FKBP1B: variants seen among roughly 807,000 people sequenced by gnomAD.
FKBP1B encodes the protein FKBP prolyl isomerase 1B.
FKBP1B carries 4 observed loss-of-function variants against 13.5 expected under a neutral mutation model. The observed-to-expected ratio is 0.30, with a 90% CI of 0.15 to 0.68. The LOEUF is 0.68. FKBP1B is among the 30% of genes least tolerant of loss of function. The pLI, the probability that FKBP1B is intolerant of heterozygous loss-of-function variation, is 0.76. For synonymous variants in FKBP1B, 54 were observed against 53.6 expected (o/e 1.01, Z -0.03); for missense variants, 93 against 136.2 (o/e 0.68, Z 1.58).
At chr2:24,035,935 GGCAC>G in the FKBP1B span, among the ~76,000 whole-genome samples, 8 of 151,796 alleles carry the variant, frequency 5.3e-5, no homozygotes, top group Admixed American at 3.3e-4. Flanking sequence ...CAGGTGTGGT[GGCAC>G]GTGCCTGTAA....
the FKBP1B span, among the ~76,000 whole-genome samples, chr2:24,037,152 A>G: frequency 1.3e-5 from 2 of 152,166 alleles, no homozygotes; most frequent in Non-Finnish European, 2.9e-5. Context: ...TTTCCCAAGT[A>G]GCTGGGATTA....
chr2:24,038,530 A>C, the FKBP1B span: 2 of 1,614,152 alleles, frequency 1.2e-6, no homozygotes, highest in Non-Finnish European at 1.7e-6. Flanking sequence ...CTTAAAGGTC[A>C]CAAGGACCAA....
At chr2:24,038,757 C>T in the FKBP1B span, 1 of 1,614,136 alleles carries the variant, frequency 6.2e-7, no homozygotes. Flanking sequence ...CATACGGAGT[C>T]ATGTCTTTAC....
chr2:24,045,746 G>A (rs971630155), upstream of FKBP1B: 3 of 152,124 alleles, frequency 2.0e-5, no homozygotes, highest in African/African-American at 7.3e-5. Context: ...GCTGAGGTGG[G>A]AGGATCACTT....
intron 3 of FKBP1B, 95 bp downstream of exon 3, chr2:24,061,021 C>A: frequency 1.1e-6 from 1 of 911,708 alleles, no homozygotes; most frequent in Non-Finnish European, 1.7e-6. Flanking sequence ...ACTCACAGAC[C>A]ACTACTGCTT....
Position 24,049,853 on chromosome 2 carries a change from G to A in FKBP1B, c.4G>A (p.Gly2Ser). 2.1e-6 allele frequency: 3 copies of A among 1,431,528 alleles called. No homozygotes were observed. Among genetic ancestry groups the A allele is most frequent in the Non-Finnish European group, 1.8e-6 (2 of 1,091,160 alleles). 88.7% of individuals were successfully genotyped at this position (1,431,528 alleles called of 1,614,324 possible). A position where few individuals can be genotyped will look rare whatever the true frequency, so the allele number is the denominator to read the frequency against. Residue 2 changes from glycine (G) to serine (S), a missense_variant, in exon 1 of 4, where the codon GGC becomes AGC. Transcript: ENST00000380986. ...AGGCGGGGCCTGTGGGACCGCTATG[G>A]GCGTGGAGATCGAGACCATCTCCCC... Reference protein sequence around the residue: MGVEIETISPGD... With the variant: MSVEIETISPGD...
At chr2:24,037,951 G>A in the FKBP1B span, 3 of 1,614,168 alleles carry the variant, frequency 1.9e-6, no homozygotes, top group South Asian at 3.3e-5. Context: ...AACAGGCTCA[G>A]CATCTAGAGC....
chr2:24,061,609 A>G (rs564795879), intron 3 of FKBP1B, among the ~76,000 whole-genome samples: 18 of 152,324 alleles, frequency 1.2e-4, no homozygotes, highest in African/African-American at 4.1e-4. Flanking sequence ...GAAATAGTAC[A>G]GAGTTCTTCT....
intron 2 of FKBP1B, chr2:24,054,161 C>A: frequency 1.4e-6 from 1 of 708,654 alleles, no homozygotes. Context: ...CCTCTTCTAC[C>A]AGCAAGGGCC....
intron 1 of FKBP1B, among the ~76,000 whole-genome samples, chr2:24,051,660 ATGT>A (rs1379867501): frequency 2.0e-5 from 3 of 152,146 alleles, no homozygotes; most frequent in Non-Finnish European, 2.9e-5. Context: ...AACATGTTAC[ATGT>A]TGTTCCCTCT....
chr2:24,041,049 C>T, the FKBP1B span, among the ~76,000 whole-genome samples: 1 of 151,306 alleles, frequency 6.6e-6, no homozygotes, highest in Admixed American at 6.6e-5. Context: ...AAAACAAGTA[C>T]ATGCTTAGGC....
In FKBP1B at chr2:24,049,840, T is replaced by C. The variant is rs776015111; in HGVS notation, c.-10T>C. The C allele has an allele frequency of 1.1e-4, 150 of 1,405,502 alleles. No individual in the cohort carries two copies. The Admixed American group carries it at 2.6e-3, about 25-fold the overall frequency. The allele number at this position is 1,405,502 out of a possible 1,614,324, so 87.1% of individuals were successfully genotyped here. A position where few individuals can be genotyped will look rare whatever the true frequency, so the allele number is the denominator to read the frequency against. ...AGGGACCCCCCAGAGGCGGGGCCTG[T>C]GGGACCGCTATGGGCGTGGAGATCG... On this transcript the variant is annotated 5_prime_UTR_variant, in exon 1 of 4. Transcript: ENST00000380986.
chr2:24,038,989 A>T, the FKBP1B span: 18 of 1,614,208 alleles, frequency 1.1e-5, no homozygotes, highest in Admixed American at 3.0e-4. Context: ...CACCAGCCTC[A>T]GGCCATCCTG....
At chr2:24,053,287 ATTTTTTT>A (rs34185660) in intron 1 of FKBP1B, among the ~76,000 whole-genome samples, 1 of 110,106 alleles carries the variant, frequency 9.1e-6, no homozygotes. Flanking sequence ...AATTGAAAAG[ATTTTTTT>A]TTTTTTTTTT....
chr2:24,039,577 T>C, the FKBP1B span: 5 of 1,462,022 alleles, frequency 3.4e-6, no homozygotes, highest in Non-Finnish European at 4.7e-6. Context: ...TGTAGGACAT[T>C]TGGTAAGACA....
At chr2:24,061,234 TG>T (rs1440965752) in intron 3 of FKBP1B, among the ~76,000 whole-genome samples, 1 of 152,104 alleles carries the variant, frequency 6.6e-6, no homozygotes, top group Non-Finnish European at 1.5e-5. Context: ...GGAGGCCGAA[TG>T]GGGTGGATCA....
chr2:24,054,238 T>G (rs1664018292), intron 2 of FKBP1B: 1 of 600,224 alleles, frequency 1.7e-6, no homozygotes, highest in South Asian at 1.9e-5. Flanking sequence ...GCAGGTATGG[T>G]GGAGCCCCTG....
At chr2:24,049,659 C>T (rs1454233490), upstream of FKBP1B, 21 of 394,096 alleles carry the variant, frequency 5.3e-5, no homozygotes, top group Admixed American at 2.3e-4. Flanking sequence ...CCCACCTTTC[C>T]GCGCGGCTCC....
intron 1 of FKBP1B, among the ~76,000 whole-genome samples, chr2:24,051,788 C>T (rs2150961049): frequency 6.6e-6 from 1 of 152,308 alleles, no homozygotes; most frequent in African/African-American, 2.4e-5. Flanking sequence ...CAGTTAGCTG[C>T]TCCCTCCTCC....
Sources: gnomAD v4.1 joint callset for allele counts (sites outside exome capture counted in the v4.1 genomes callset) on GRCh38, gnomAD v4.1.1 for gene constraint, MANE v1.5 for transcripts, NCBI Gene and HGNC (gene_info 2026-07-23, HGNC 2026-07-21) for gene names.